The following VPS25 variants were observed in gnomAD, a reference collection of about 807,000 sequenced individuals.
The protein encoded by VPS25 is vacuolar protein-sorting-associated protein 25.
A neutral mutation model predicts 30.3 loss-of-function variants in VPS25; 21 were observed. The ratio of observed to expected loss-of-function variants is 0.69; its 90% CI spans 0.49 to 1.00. The LOEUF (loss-of-function observed/expected upper bound fraction) is 1.00, where lower values mean the gene tolerates loss of function less well. VPS25 is among the 50% of genes least tolerant of loss of function. The pLI is 0.00. For missense variants in VPS25, 156 were observed against 217.2 expected (o/e 0.72, Z 1.77); for synonymous variants, 101 against 88.1 (o/e 1.15, Z -0.82).
At chr17:42,776,380 C>T (rs1209546542) in intron 5 of VPS25, 60 bp downstream of exon 5, 8 of 1,509,752 alleles carry the variant, frequency 5.3e-6, no homozygotes, top group African/African-American at 2.7e-5. Flanking sequence ...TTTGTTTTTC[C>T]GATATGGAGT....
intron 5 of VPS25, among the ~76,000 whole-genome samples, chr17:42,777,860 G>A (rs562416540): frequency 9.2e-5 from 14 of 152,318 alleles, no homozygotes; most frequent in African/African-American, 3.4e-4. Flanking sequence ...TCTTAGCTGG[G>A]ATAACAGAGG....
intron 5 of VPS25, among the ~76,000 whole-genome samples, chr17:42,778,350 A>AT (rs2054447697): frequency 6.6e-6 from 1 of 152,002 alleles, no homozygotes; most frequent in South Asian, 2.1e-4. Context: ...TGCCCAGCTA[A>AT]TTTTTTGTAA....
intron 5 of VPS25, among the ~76,000 whole-genome samples, chr17:42,776,605 G>A (rs1345622879): frequency 2.0e-5 from 3 of 150,794 alleles, no homozygotes; most frequent in African/African-American, 7.3e-5. Flanking sequence ...CTCGTGATCC[G>A]CCTGCCTTGG....
rs752301786 is a variant in VPS25 at position 42,773,805 on chromosome 17, C to G, written c.126C>G (p.Arg42=). 6.2e-7 allele frequency: 1 copy of G among 1,614,162 alleles called. No individual in the cohort carries two copies. Among genetic ancestry groups the G allele is most frequent in the East Asian group, 2.2e-5 (1 of 44,884 alleles). Residue 42 remains arginine, a synonymous_variant, in exon 2 of 6, where the codon CGC becomes CGG. Transcript: ENST00000253794. ...AWCSLVLSFC[R]LHKQSSMTVM... ...GCTCGCTGGTCCTGTCCTTCTGCCG[C>G]CTGCACAAACAGTCCAGCATGACGG...
In VPS25 at chr17:42,778,970, G is replaced by A. The variant is rs2143968096; in HGVS notation, c.432G>A (p.Leu144=). 3 of 1,614,020 alleles carry A rather than the reference G, an allele frequency of 1.9e-6. No homozygotes were observed. Among genetic ancestry groups the A allele is most frequent in the Non-Finnish European group, 2.5e-6 (3 of 1,179,920 alleles). The change falls in exon 6 of 6, where the codon CTG becomes CTA. Residue 144 remains leucine (L), a synonymous_variant. Coordinates refer to ENST00000253794, the MANE Select transcript of VPS25 (RefSeq NM_032353.4). ...CTCCCTGTTCAGAGTTCCACGGGCTGGATGAAGCCACTCTACTGCGGGCTC... is the reference window on the plus strand; with the variant it reads ...CTCCCTGTTCAGAGTTCCACGGGCTAGATGAAGCCACTCTACTGCGGGCTC... ...EDTEDEEFHG[L]DEATLLRALQ...
chr17:42,778,943 C>G lies in VPS25; in HGVS notation c.419-14C>G, dbSNP rs201145202. Reference sequence around the variant, plus strand: ...TCAGGAGCTGATTGTCTCTGCCTATCTCTCCCTGTTCAGAGTTCCACGGGC... The same window carrying G: ...TCAGGAGCTGATTGTCTCTGCCTATGTCTCCCTGTTCAGAGTTCCACGGGC... On this transcript the variant is annotated splice_polypyrimidine_tract_variant and intron_variant, in intron 5 of 5. Coordinates refer to ENST00000253794, the MANE Select transcript of VPS25 (RefSeq NM_032353.4). 1.2e-6 allele frequency: 2 copies of G among 1,612,694 alleles called. No homozygotes were observed. Among genetic ancestry groups the G allele is most frequent in the South Asian group, 1.1e-5 (1 of 90,960 alleles).
Position 42,779,178 on chromosome 17 carries a change from A to C in VPS25, c.*109A>C. ...GGATCTGTGACTCCACCAGACTCAA[A>C]AGGACTCCAGTCCTGAAGGCTGGGA... is the stretch of plus-strand genomic sequence containing the variant. On this transcript the variant is annotated 3_prime_UTR_variant, in exon 6 of 6. Transcript: ENST00000253794. 13 of 995,880 alleles carry C rather than the reference A, an allele frequency of 1.3e-5. No homozygotes were observed. The highest frequency in any genetic ancestry group is 1.5e-5 in the Non-Finnish European group (10 of 659,112). 61.7% of individuals were successfully genotyped at this position (995,880 alleles called of 1,614,324 possible).
intron 3 of VPS25, 72 bp from the exon 4 acceptor site, chr17:42,775,309 C>T: frequency 8.1e-7 from 1 of 1,237,910 alleles, no homozygotes; most frequent in South Asian, 1.2e-5. Flanking sequence ...TCAAGCAGTC[C>T]TCCCGCCTTG....
chr17:42,774,154 T>G, intron 2 of VPS25: 1 of 352,818 alleles, frequency 2.8e-6, no homozygotes, highest in Non-Finnish European at 5.1e-6. Context: ...CCTAAACCCT[T>G]TTGACTATTT....
In VPS25 at chr17:42,779,285, T is replaced by G. The variant is rs1040132194; in HGVS notation, c.*216T>G. ...AAGCACCAGGGAGAAAATATGTGCT[T>G]CTTCTCGCCCTACCTCCTTTCCCAT... On this transcript the variant is annotated 3_prime_UTR_variant, in exon 6 of 6. Transcript: ENST00000253794. 30 of 516,792 alleles carry G rather than the reference T, an allele frequency of 5.8e-5. No individual in the cohort carries two copies. The highest frequency in any genetic ancestry group is 5.5e-4 in the Middle Eastern group (1 of 1,820). 32.0% of individuals were successfully genotyped at this position (516,792 alleles called of 1,614,324 possible).
intron 5 of VPS25, among the ~76,000 whole-genome samples, chr17:42,778,111 G>C (rs1002212349): frequency 5.9e-5 from 9 of 152,134 alleles, no homozygotes; most frequent in African/African-American, 2.2e-4. Flanking sequence ...GTCAGGGCTT[G>C]CCTGCTGCCT....
chr17:42,773,707 T>G, intron 1 of VPS25, 26 bp from the exon 2 acceptor site: 1 of 1,611,130 alleles, frequency 6.2e-7, no homozygotes, highest in East Asian at 2.2e-5. Flanking sequence ...CCTCTAATTC[T>G]GCGCCCCACT....
chr17:42,775,042 G>T (rs973980027), intron 3 of VPS25: 8 of 366,128 alleles, frequency 2.2e-5, no homozygotes, highest in Non-Finnish European at 3.9e-5. Context: ...TTTAGTTCAT[G>T]ATACTTTTTT....
At position 42,773,790 on chromosome 17, in the gene VPS25, C is replaced by A. The variant is rs1453829475; in HGVS notation, c.111C>A (p.Val37=). The A allele has an allele frequency of 4.3e-6, 7 of 1,614,158 alleles. No homozygotes were observed. Among genetic ancestry groups the A allele is most frequent in the Non-Finnish European group, 5.1e-6 (6 of 1,180,034 alleles). The change falls in exon 2 of 6, where the codon GTC becomes GTA. Residue 37 remains valine (V), a synonymous_variant. Transcript: ENST00000253794. ...AGCTGGCCGCCTGGTGCTCGCTGGTCCTGTCCTTCTGCCGCCTGCACAAAC... is the reference window on the plus strand; with the variant it reads ...AGCTGGCCGCCTGGTGCTCGCTGGTACTGTCCTTCTGCCGCCTGCACAAAC... The part of the protein sequence containing the change: ...QKQLAAWCSL[V]LSFCRLHKQS...
intron 1 of VPS25, 58 bp downstream of exon 1, chr17:42,773,586 G>T: frequency 1.2e-6 from 2 of 1,613,342 alleles, no homozygotes; most frequent in Non-Finnish European, 1.7e-6. Context: ...CCGGACCCTG[G>T]GCTCAGCCCT....
At chr17:42,775,061 G>A in intron 3 of VPS25, 1 of 355,406 alleles carries the variant, frequency 2.8e-6, no homozygotes, top group Admixed American at 4.4e-5. Context: ...TTTTTGGGTG[G>A]GGAGATAAGG....
At chr17:42,775,298 C>A in intron 3 of VPS25, 83 bp from the exon 4 acceptor site, 2 of 1,056,662 alleles carry the variant, frequency 1.9e-6, no homozygotes, top group South Asian at 1.3e-5. Context: ...AACTCCTGGG[C>A]TCAAGCAGTC....
intron 5 of VPS25, among the ~76,000 whole-genome samples, chr17:42,778,738 G>A (rs1204739557): frequency 6.6e-6 from 1 of 152,226 alleles, no homozygotes; most frequent in East Asian, 1.9e-4. Context: ...GGAGAACCAA[G>A]AAGGGGGAAA....
At chr17:42,777,535 T>C (rs1394538526) in intron 5 of VPS25, among the ~76,000 whole-genome samples, 1 of 151,944 alleles carries the variant, frequency 6.6e-6, no homozygotes, top group Non-Finnish European at 1.5e-5. Flanking sequence ...ATAATAACAA[T>C]AAAAAAAATT....
Sources: gnomAD v4.1 joint callset for allele counts (sites outside exome capture counted in the v4.1 genomes callset) on GRCh38, gnomAD v4.1.1 for gene constraint, MANE v1.5 for transcripts, NCBI Gene and HGNC (gene_info 2026-07-23, HGNC 2026-07-21) for gene names.